The following ST6GALNAC5 variants were observed in gnomAD, a reference collection of about 807,000 sequenced individuals.
ST6GALNAC5 encodes the protein ST6 N-acetylgalactosaminide alpha-2,6-sialyltransferase 5, also known as alpha-N-acetylgalactosaminide alpha-2,6-sialyltransferase 5.
A neutral mutation model predicts 33.6 loss-of-function variants in ST6GALNAC5; 27 were observed. That is an observed-to-expected ratio of 0.80 (90% CI 0.59 to 1.11). The LOEUF is 1.11. Among genes scored for constraint, ST6GALNAC5 ranks in the 50% least tolerant of loss-of-function variants. The pLI is 0.00. For synonymous variants in ST6GALNAC5, 194 were observed against 171.2 expected (o/e 1.13, Z -1.04); for missense variants, 428 against 454.0 (o/e 0.94, Z 0.52).
At chr1:76,875,063 G>T (rs2100914604) in intron 2 of ST6GALNAC5, among the ~76,000 whole-genome samples, 1 of 152,278 alleles carries the variant, frequency 6.6e-6, no homozygotes, top group East Asian at 1.9e-4. Flanking sequence ...ACAAAATTAA[G>T]ATATTTTCTT....
intron 2 of ST6GALNAC5, among the ~76,000 whole-genome samples, chr1:76,977,419 T>C (rs1649054231): frequency 6.6e-6 from 1 of 152,178 alleles, no homozygotes; most frequent in South Asian, 2.1e-4. Context: ...ACTATTCTTC[T>C]TGTCTAACTA....
intron 3 of ST6GALNAC5, 54 bp from the exon 4 acceptor site, chr1:77,050,203 AG>A (rs756011219): frequency 4.6e-5 from 65 of 1,411,434 alleles, no homozygotes; most frequent in Non-Finnish European, 6.0e-5. Flanking sequence ...TAAAGATGGT[AG>A]TGGGTATAAT....
intron 2 of ST6GALNAC5, among the ~76,000 whole-genome samples, chr1:76,983,373 G>A (rs1479880699): frequency 6.6e-6 from 1 of 152,074 alleles, no homozygotes. Flanking sequence ...CCTAGTCTCT[G>A]ATAAAACAGA....
chr1:76,980,325 A>G (rs1649198560), intron 2 of ST6GALNAC5, among the ~76,000 whole-genome samples: 1 of 152,074 alleles, frequency 6.6e-6, no homozygotes, highest in South Asian at 2.1e-4. Flanking sequence ...GCTATTGACC[A>G]TTGTTTTCTG....
chr1:76,938,236 A>G (rs559607082), intron 2 of ST6GALNAC5, among the ~76,000 whole-genome samples: 6 of 152,216 alleles, frequency 3.9e-5, no homozygotes, highest in African/African-American at 1.4e-4. Context: ...CCAGGCTGCC[A>G]TGCCAGGGAA....
intron 2 of ST6GALNAC5, among the ~76,000 whole-genome samples, chr1:77,018,402 T>G (rs1254282496): frequency 2.6e-5 from 4 of 152,224 alleles, no homozygotes; most frequent in Admixed American, 6.5e-5. Flanking sequence ...AACATTCATA[T>G]TCCTCACAAC....
intron 2 of ST6GALNAC5, among the ~76,000 whole-genome samples, chr1:76,974,546 G>A (rs1648918559): frequency 1.3e-5 from 2 of 151,544 alleles, no homozygotes; most frequent in South Asian, 4.1e-4. Context: ...CTTTCTTCTT[G>A]ATATAAGTCT....
At chr1:76,901,868 T>C (rs1221074149) in intron 2 of ST6GALNAC5, among the ~76,000 whole-genome samples, 1 of 152,214 alleles carries the variant, frequency 6.6e-6, no homozygotes, top group Non-Finnish European at 1.5e-5. Flanking sequence ...AATGGAACAA[T>C]GCATTTGTAA....
At chr1:77,010,805 G>A (rs963496053) in intron 2 of ST6GALNAC5, among the ~76,000 whole-genome samples, 3 of 152,160 alleles carry the variant, frequency 2.0e-5, no homozygotes, top group Non-Finnish European at 2.9e-5. Flanking sequence ...GTTTGGAAAT[G>A]GAATTTCTTA....
intron 2 of ST6GALNAC5, among the ~76,000 whole-genome samples, chr1:76,874,271 C>T (rs905049176): frequency 2.0e-5 from 3 of 152,136 alleles, no homozygotes; most frequent in African/African-American, 7.2e-5. Context: ...AATATTGTCT[C>T]TTTATGATTT....
At chr1:77,057,438 G>T (rs1652438818) in intron 4 of ST6GALNAC5, among the ~76,000 whole-genome samples, 1 of 152,204 alleles carries the variant, frequency 6.6e-6, no homozygotes, top group African/African-American at 2.4e-5. Flanking sequence ...CAAAGAAACA[G>T]GGAGACCTCC....
intron 2 of ST6GALNAC5, among the ~76,000 whole-genome samples, chr1:76,982,886 C>T (rs1252801408): frequency 6.6e-6 from 1 of 151,880 alleles, no homozygotes; most frequent in East Asian, 2.0e-4. Context: ...GAAATTTCAA[C>T]CCAGATTTCA....
At chr1:77,008,679 G>A (rs544117993) in intron 2 of ST6GALNAC5, among the ~76,000 whole-genome samples, 4 of 152,106 alleles carry the variant, frequency 2.6e-5, no homozygotes, top group Non-Finnish European at 4.4e-5. Flanking sequence ...ACAGGTGCCC[G>A]CCACCACACC....
intron 2 of ST6GALNAC5, among the ~76,000 whole-genome samples, chr1:76,971,396 T>C (rs1309974097): frequency 1.3e-5 from 2 of 152,100 alleles, no homozygotes; most frequent in Non-Finnish European, 2.9e-5. Context: ...CGTGGGATAT[T>C]GATTTCACGG....
intron 2 of ST6GALNAC5, among the ~76,000 whole-genome samples, chr1:76,887,856 G>T (rs1223056634): frequency 1.3e-5 from 2 of 151,456 alleles, no homozygotes; most frequent in Non-Finnish European, 2.9e-5. Flanking sequence ...TTATTTTTTT[G>T]GCTTTTTTCC....
At chr1:76,925,991 C>G (rs1020466530) in intron 2 of ST6GALNAC5, among the ~76,000 whole-genome samples, 2 of 152,126 alleles carry the variant, frequency 1.3e-5, no homozygotes, top group African/African-American at 4.8e-5. Flanking sequence ...TTACAGAAAC[C>G]TGGCCAAGTT....
chr1:76,892,693 A>G (rs1557711797), intron 2 of ST6GALNAC5, among the ~76,000 whole-genome samples: 1 of 152,252 alleles, frequency 6.6e-6, no homozygotes, highest in African/African-American at 2.4e-5. Flanking sequence ...TTTAATTGAT[A>G]TAGAGGAAAT....
chr1:76,902,576 A>C (rs1218186335), intron 2 of ST6GALNAC5, among the ~76,000 whole-genome samples: 2 of 152,154 alleles, frequency 1.3e-5, no homozygotes, highest in Non-Finnish European at 2.9e-5. Flanking sequence ...AATAGCCAAA[A>C]CAATCTTTAA....
chr1:77,027,494 C>T (rs1651290754), intron 2 of ST6GALNAC5, among the ~76,000 whole-genome samples: 1 of 152,166 alleles, frequency 6.6e-6, no homozygotes, highest in African/African-American at 2.4e-5. Flanking sequence ...AACAAACCAC[C>T]ATTATAACCG....
Sources: allele counts gnomAD v4.1 joint callset (sites outside exome capture counted in the v4.1 genomes callset), GRCh38; gene constraint gnomAD v4.1.1; transcripts MANE v1.5; gene names NCBI Gene and HGNC (gene_info 2026-07-23, HGNC 2026-07-21).